The following ACYP2 variants were observed in gnomAD, a reference collection of about 807,000 sequenced individuals.
The protein encoded by ACYP2 is acylphosphatase 2.
ACYP2 carries 12 observed loss-of-function variants against 11.2 expected under a neutral mutation model. That is an observed-to-expected ratio of 1.08 (90% CI 0.69 to 1.74). ACYP2 has a LOEUF of 1.74. ACYP2 is among the 40% of genes most tolerant of loss of function. ACYP2 has a pLI of 0.00. For missense variants in ACYP2, 134 were observed against 101.9 expected, an observed-to-expected ratio of 1.31 and a Z score of -1.35; for synonymous variants, 43 against 32.2, an observed-to-expected ratio of 1.33 and a Z score of -1.13.
intron 2 of ACYP2, among the ~76,000 whole-genome samples, chr2:54,008,215 G>C (rs1342962358): frequency 6.6e-6 from 1 of 152,194 alleles, no homozygotes; most frequent in Non-Finnish European, 1.5e-5. Context: ...CAGCTGCCAA[G>C]CTTAAAACAT....
At chr2:54,186,183 A>C (rs866308755) in intron 6 of ACYP2, among the ~76,000 whole-genome samples, 1 of 152,246 alleles carries the variant, frequency 6.6e-6, no homozygotes, top group East Asian at 1.9e-4. Context: ...TGAATGACTA[A>C]ATGTCATTGA....
chr2:54,007,390 A>G (rs916370079), intron 2 of ACYP2, among the ~76,000 whole-genome samples: 2 of 151,272 alleles, frequency 1.3e-5, no homozygotes, highest in African/African-American at 4.9e-5. Context: ...AGTAGCTGGG[A>G]CTACAGGCAT....
At chr2:54,191,820 T>C (rs1684252893) in intron 6 of ACYP2, among the ~76,000 whole-genome samples, 1 of 152,234 alleles carries the variant, frequency 6.6e-6, no homozygotes, top group Non-Finnish European at 1.5e-5. Context: ...TTCATTTTTC[T>C]TCTTAGCATG....
intron 6 of ACYP2, among the ~76,000 whole-genome samples, chr2:54,249,083 G>C (rs1687087554): frequency 6.6e-6 from 1 of 152,114 alleles, no homozygotes. Flanking sequence ...CTTGGATGCA[G>C]TAGTAGGGTG....
intron 4 of ACYP2, among the ~76,000 whole-genome samples, chr2:54,071,317 T>A (rs1677029867): frequency 6.6e-6 from 1 of 151,976 alleles, no homozygotes; most frequent in African/African-American, 2.4e-5. Context: ...AAATGAAACA[T>A]CCAGATTGGA....
intron 2 of ACYP2, among the ~76,000 whole-genome samples, chr2:54,009,256 T>C (rs1305242587): frequency 6.6e-6 from 1 of 151,958 alleles, no homozygotes; most frequent in Non-Finnish European, 1.5e-5. Flanking sequence ...CAAACAGAGA[T>C]TAATTATTTG....
At chr2:54,024,744 C>T (rs1363134657) in intron 2 of ACYP2, among the ~76,000 whole-genome samples, 1 of 152,130 alleles carries the variant, frequency 6.6e-6, no homozygotes, top group African/African-American at 2.4e-5. Flanking sequence ...CCAGCACAAT[C>T]ATACAAGAGA....
intron 4 of ACYP2, among the ~76,000 whole-genome samples, chr2:54,097,702 G>A (rs1678666065): frequency 6.6e-6 from 1 of 151,438 alleles, no homozygotes; most frequent in Non-Finnish European, 1.5e-5. Flanking sequence ...GGGAGGAAGG[G>A]GTGGTTTTGG....
intron 4 of ACYP2, among the ~76,000 whole-genome samples, chr2:54,085,784 T>G (rs1007600070): frequency 7.2e-5 from 11 of 152,156 alleles, no homozygotes; most frequent in Non-Finnish European, 1.5e-4. Flanking sequence ...TTATTTGATC[T>G]CAGTGAAGAA....
At chr2:54,215,070 GA>G (rs1250480577) in intron 6 of ACYP2, among the ~76,000 whole-genome samples, 1 of 152,136 alleles carries the variant, frequency 6.6e-6, no homozygotes, top group Non-Finnish European at 1.5e-5. Flanking sequence ...CTGACACATA[GA>G]AATGCTACTG....
intron 2 of ACYP2, among the ~76,000 whole-genome samples, chr2:54,025,384 C>A (rs1426177059): frequency 6.6e-6 from 1 of 152,136 alleles, no homozygotes; most frequent in Admixed American, 6.5e-5. Flanking sequence ...AAAATAGGCA[C>A]ATAGACCAGC....
At chr2:54,013,255 A>ATGTGTGTGTGTG (rs60289014) in intron 2 of ACYP2, among the ~76,000 whole-genome samples, 1 of 117,604 alleles carries the variant, frequency 8.5e-6, no homozygotes, top group Admixed American at 9.3e-5. Context: ...ACCATCTAAT[A>ATGTGTGTGTGTG]TGTGTGTGTG....
chr2:54,265,949 T>C (rs1192272273), intron 6 of ACYP2, among the ~76,000 whole-genome samples: 3 of 152,178 alleles, frequency 2.0e-5, no homozygotes, highest in Non-Finnish European at 4.4e-5. Flanking sequence ...GAATACCCCT[T>C]CTTTTCACGT....
chr2:53,991,596 G>C (rs538726680), intron 2 of ACYP2, among the ~76,000 whole-genome samples: 114 of 151,826 alleles, frequency 7.5e-4, no homozygotes, highest in African/African-American at 2.6e-3. Flanking sequence ...GTAGAGACAG[G>C]GTTTCTCCAT....
chr2:54,241,626 T>C (rs1686733430), intron 6 of ACYP2, among the ~76,000 whole-genome samples: 1 of 152,214 alleles, frequency 6.6e-6, no homozygotes, highest in African/African-American at 2.4e-5. Context: ...CGTCTTTCTC[T>C]TGAATGATGT....
intron 2 of ACYP2, among the ~76,000 whole-genome samples, chr2:54,030,235 G>A (rs1474630709): frequency 1.3e-5 from 2 of 152,112 alleles, no homozygotes; most frequent in Non-Finnish European, 2.9e-5. Flanking sequence ...TTACGGCTTG[G>A]CCTGGCGAGC....
intron 6 of ACYP2, among the ~76,000 whole-genome samples, chr2:54,292,160 A>C (rs1015487924): frequency 4.6e-5 from 7 of 152,136 alleles, no homozygotes; most frequent in Admixed American, 3.3e-4. Context: ...TACCAGCATG[A>C]CCAGCCACAA....
At chr2:54,022,370 C>A (rs1349160443) in intron 2 of ACYP2, among the ~76,000 whole-genome samples, 6 of 151,912 alleles carry the variant, frequency 3.9e-5, no homozygotes, top group African/African-American at 1.5e-4. Flanking sequence ...ACCCTGTCAC[C>A]CATGCTAGAG....
chr2:54,299,206 A>G (rs1689629365), intron 6 of ACYP2, among the ~76,000 whole-genome samples: 1 of 152,210 alleles, frequency 6.6e-6, no homozygotes, highest in African/African-American at 2.4e-5. Flanking sequence ...GGCAGGAAAT[A>G]GGGTGTATCT....
Sources: allele counts gnomAD v4.1 joint callset (sites outside exome capture counted in the v4.1 genomes callset), GRCh38; gene constraint gnomAD v4.1.1; transcripts MANE v1.5; gene names NCBI Gene and HGNC (gene_info 2026-07-23, HGNC 2026-07-21).